C8B: variants seen among roughly 807,000 people sequenced by gnomAD.
C8B encodes the protein complement component C8 beta chain.
Under a neutral mutation model 64.6 loss-of-function variants are expected in C8B, and 67 were observed. That is an observed-to-expected ratio of 1.04 (90% CI 0.85 to 1.27). The LOEUF (loss-of-function observed/expected upper bound fraction) is 1.27, where lower values mean the gene tolerates loss of function less well. Among genes scored for constraint, C8B ranks in the 50% most tolerant of loss-of-function variants. The pLI is 0.00. For synonymous variants in C8B, 284 were observed against 257.7 expected, an observed-to-expected ratio of 1.10 and a Z score of -0.98; for missense variants, 790 against 725.2, an observed-to-expected ratio of 1.09 and a Z score of -1.03.
At position 56,933,363 on chromosome 1, in the gene C8B, G is replaced by T. The variant is rs1176902020; in HGVS notation, c.1524C>A (p.Cys508Ter). ...KEVSSCHCAP[C>*]QGNGVPVLKG... is the part of the protein sequence containing the mutation. ...TCAGGACAGGGACTCCATTTCCTTGGCAGGGAGCACAGTGGCAGGAACTAA... is the reference window on the plus strand; with the variant it reads ...TCAGGACAGGGACTCCATTTCCTTGTCAGGGAGCACAGTGGCAGGAACTAA... Residue 508 changes from cysteine to a stop codon, truncating the protein, a stop_gained, in exon 10 of 12, where the codon TGC becomes TGA. Coordinates refer to ENST00000371237, the MANE Select transcript of C8B (RefSeq NM_000066.4). LOFTEE classifies it high-confidence loss of function. The T allele has an allele frequency of 6.2e-6, 10 of 1,613,598 alleles. No homozygotes were observed. Among genetic ancestry groups the T allele is most frequent in the Non-Finnish European group, 7.6e-6 (9 of 1,179,666 alleles).
At chr1:56,939,851 C>G (rs1644825317) in intron 9 of C8B, among the ~76,000 whole-genome samples, 1 of 152,138 alleles carries the variant, frequency 6.6e-6, no homozygotes, top group South Asian at 2.1e-4. Flanking sequence ...TTCTGTCAAC[C>G]ACAATATGGA....
chr1:56,945,588 AT>A (rs1366397089), intron 7 of C8B, among the ~76,000 whole-genome samples: 1 of 152,190 alleles, frequency 6.6e-6, no homozygotes, highest in Non-Finnish European at 1.5e-5. Flanking sequence ...TGCTGAAGGT[AT>A]TTAGAACCAT....
intron 1 of C8B, among the ~76,000 whole-genome samples, chr1:56,965,619 G>C (rs1360055746): frequency 3.3e-5 from 5 of 152,146 alleles, no homozygotes; most frequent in Admixed American, 3.3e-4. Context: ...ATTCTTCTCA[G>C]CATGACAAAA....
intron 8 of C8B, among the ~76,000 whole-genome samples, chr1:56,943,108 A>G (rs1282156711): frequency 1.3e-5 from 2 of 151,832 alleles, no homozygotes; most frequent in Admixed American, 6.6e-5. Context: ...AAATAAATAA[A>G]AAAAAGCTGG....
chr1:56,952,167 T>G lies in C8B; in HGVS notation c.547A>C (p.Thr183Pro). 1.2e-6 allele frequency: 2 copies of G among 1,614,180 alleles called. No homozygotes were observed. ...AGAACTGGGCCCTCAAAACTGTTTG[T>G]GAACAAATTTATCCTGTGAGGAAGA... ...GSLASGINLFTNSFEGPVLDH... is the reference protein window; with the variant it reads ...GSLASGINLFPNSFEGPVLDH... The change falls in exon 5 of 12, where the codon ACA (threonine) becomes CCA (proline). Residue 183 changes from threonine to proline, a missense_variant. Thr to Pro is a conservative substitution (Grantham distance 38). Transcript: ENST00000371237.
chr1:56,943,862 G>A (rs1557733545), intron 7 of C8B, 38 bp from the exon 8 acceptor site: 2 of 1,611,602 alleles, frequency 1.2e-6, no homozygotes, highest in East Asian at 2.2e-5. Flanking sequence ...GACGTAAAAG[G>A]TAGTTCACTC....
chr1:56,952,460 G>C (rs1253924324), intron 4 of C8B, among the ~76,000 whole-genome samples: 1 of 152,112 alleles, frequency 6.6e-6, no homozygotes. Flanking sequence ...CTTCCACCCA[G>C]TCACTGTTTT....
chr1:56,937,307 A>T (rs943457913), intron 9 of C8B, among the ~76,000 whole-genome samples: 4 of 152,178 alleles, frequency 2.6e-5, no homozygotes, highest in Non-Finnish European at 5.9e-5. Flanking sequence ...CGCAGCCCCC[A>T]TCAGCTGGAT....
At chr1:56,953,412 G>A (rs1036066364) in intron 4 of C8B, among the ~76,000 whole-genome samples, 2 of 152,254 alleles carry the variant, frequency 1.3e-5, no homozygotes, top group East Asian at 3.9e-4. Flanking sequence ...TACACACAAT[G>A]GCTCATTTAA....
At chr1:56,936,966 C>T (rs1443471232) in intron 9 of C8B, among the ~76,000 whole-genome samples, 1 of 152,138 alleles carries the variant, frequency 6.6e-6, no homozygotes. Context: ...ATTGTCTTTC[C>T]AGGCATATGC....
intron 1 of C8B, among the ~76,000 whole-genome samples, chr1:56,960,464 G>A (rs1645163113): frequency 6.6e-6 from 1 of 152,170 alleles, no homozygotes; most frequent in Admixed American, 6.5e-5. Flanking sequence ...TATGGCTAGA[G>A]AAACATATCT....
chr1:56,957,424 G>A (rs1303314712), intron 2 of C8B, among the ~76,000 whole-genome samples: 4 of 152,194 alleles, frequency 2.6e-5, no homozygotes, highest in African/African-American at 9.6e-5. Context: ...TTATAGTTGT[G>A]TGATATTGGG....
intron 8 of C8B, among the ~76,000 whole-genome samples, chr1:56,941,576 G>A (rs1168354515): frequency 2.0e-5 from 3 of 152,124 alleles, no homozygotes; most frequent in African/African-American, 2.4e-5. Context: ...CACACAGACA[G>A]GTAGATGGAT....
chr1:56,929,704 G>T, intron 11 of C8B, 146 bp from the exon 12 acceptor site: 1 of 772,816 alleles, frequency 1.3e-6, no homozygotes, highest in Non-Finnish European at 2.2e-6. Flanking sequence ...CATTGTACTT[G>T]TCATGCTCTT....
At chr1:56,961,715 A>G (rs1645183183) in intron 1 of C8B, among the ~76,000 whole-genome samples, 1 of 152,212 alleles carries the variant, frequency 6.6e-6, no homozygotes, top group African/African-American at 2.4e-5. Context: ...CAAGGTCATT[A>G]ACAATATGTT....
intron 9 of C8B, 80 bp from the exon 10 acceptor site, chr1:56,933,568 G>T (rs1644733728): frequency 8.1e-7 from 1 of 1,233,514 alleles, no homozygotes; most frequent in Non-Finnish European, 1.2e-6. Context: ...CAAAGGAATG[G>T]ACTGGGATCA....
At chr1:56,953,078 T>TGCAGA (rs1442841327) in intron 4 of C8B, among the ~76,000 whole-genome samples, 1 of 152,190 alleles carries the variant, frequency 6.6e-6, no homozygotes, top group Non-Finnish European at 1.5e-5. Flanking sequence ...ATCTCATTAG[T>TGCAGA]GTCCCTGCAG....
intron 8 of C8B, among the ~76,000 whole-genome samples, chr1:56,943,017 G>T (rs1435205473): frequency 1.3e-5 from 2 of 151,830 alleles, no homozygotes; most frequent in African/African-American, 4.8e-5. Context: ...GATTGCCTGA[G>T]CCCCGAAGGT....
intron 2 of C8B, among the ~76,000 whole-genome samples, chr1:56,959,140 CTGTT>C: frequency 6.6e-6 from 1 of 152,314 alleles, no homozygotes; most frequent in Middle Eastern, 3.4e-3. Flanking sequence ...CTCTGATTTC[CTGTT>C]TATCTGTCTG....
Sources: allele counts gnomAD v4.1 joint callset (sites outside exome capture counted in the v4.1 genomes callset), GRCh38; gene constraint gnomAD v4.1.1; transcripts MANE v1.5; gene names NCBI Gene and HGNC (gene_info 2026-07-23, HGNC 2026-07-21).